GNG2: variants seen among roughly 807,000 people sequenced by gnomAD.
GNG2 encodes guanine nucleotide-binding protein G(I)/G(S)/G(O) subunit gamma-2.
In GNG2, 5 loss-of-function variants were observed where a neutral mutation model predicts 5.5. The observed-to-expected ratio is 0.91, with a 90% confidence interval of 0.48 to 1.92. GNG2 has a LOEUF of 1.92. GNG2 is among the 30% of genes most tolerant of loss of function. The pLI is 0.01. For synonymous variants in GNG2, 28 were observed against 32.0 expected, an observed-to-expected ratio of 0.88 and a Z score of 0.42; for missense variants, 55 against 88.4, an observed-to-expected ratio of 0.62 and a Z score of 1.52.
intron 2 of GNG2, among the ~76,000 whole-genome samples, chr14:51,854,169 C>T (rs1056501905): frequency 8.5e-5 from 13 of 152,128 alleles, no homozygotes; most frequent in African/African-American, 7.2e-5. Context: ...CCACCATGCC[C>T]GGCCTATCCC....
At chr14:51,960,230 T>G (rs921830014) in intron 3 of GNG2, among the ~76,000 whole-genome samples, 6 of 151,640 alleles carry the variant, frequency 4.0e-5, no homozygotes, top group African/African-American at 1.2e-4. Context: ...TTTCTATTGC[T>G]ATCTTCAAGT....
chr14:51,875,195 G>T (rs1367592539), intron 1 of GNG2, among the ~76,000 whole-genome samples: 2 of 152,170 alleles, frequency 1.3e-5, no homozygotes, highest in Non-Finnish European at 1.5e-5. Flanking sequence ...CATGCAGGGA[G>T]CCAGGCTCCT....
intron 2 of GNG2, among the ~76,000 whole-genome samples, chr14:51,848,439 A>G (rs950930183): frequency 2.0e-5 from 3 of 151,942 alleles, no homozygotes; most frequent in Admixed American, 6.6e-5. Flanking sequence ...CTTATACCCT[A>G]TGTGTGCATT....
intron 3 of GNG2, among the ~76,000 whole-genome samples, chr14:51,965,903 T>A (rs1228363090): frequency 2.0e-5 from 3 of 151,816 alleles, no homozygotes; most frequent in Non-Finnish European, 4.4e-5. Context: ...GGCAATGAGA[T>A]ATCGGAGCAC....
At chr14:51,831,713 T>C (rs1881195705) in intron 2 of GNG2, among the ~76,000 whole-genome samples, 1 of 152,192 alleles carries the variant, frequency 6.6e-6, no homozygotes, top group African/African-American at 2.4e-5. Context: ...TTGATATCAC[T>C]AGAGAAGCTC....
At chr14:51,877,689 C>T (rs1320366708) in intron 2 of GNG2, 32 bp downstream of exon 2, 3 of 451,294 alleles carry the variant, frequency 6.6e-6, no homozygotes, top group Non-Finnish European at 1.3e-5. Flanking sequence ...CTTCTAGAAT[C>T]TTGAATTTAA....
chr14:51,880,980 A>AC (rs1884027200), intron 2 of GNG2, among the ~76,000 whole-genome samples: 2 of 151,048 alleles, frequency 1.3e-5, no homozygotes, highest in South Asian at 2.1e-4. Flanking sequence ...AAAAAAAAAA[A>AC]AAAAAAAACC....
At chr14:51,914,798 A>G (rs1280742732) in intron 2 of GNG2, among the ~76,000 whole-genome samples, 2 of 152,156 alleles carry the variant, frequency 1.3e-5, no homozygotes, top group African/African-American at 4.8e-5. Context: ...TGTAATACAG[A>G]CCAAATACTG....
chr14:51,871,802 G>T (rs1883313893), intron 1 of GNG2, among the ~76,000 whole-genome samples: 2 of 152,172 alleles, frequency 1.3e-5, no homozygotes, highest in Admixed American at 1.3e-4. Context: ...ATTATTGTCG[G>T]ATGTCGTTTT....
At chr14:51,915,351 G>GT (rs985466975) in intron 2 of GNG2, among the ~76,000 whole-genome samples, 3 of 152,220 alleles carry the variant, frequency 2.0e-5, no homozygotes, top group Admixed American at 2.0e-4. Flanking sequence ...GCATTTCAGT[G>GT]TAATAATTAT....
At chr14:51,950,600 G>C in intron 2 of GNG2, 50 bp from the exon 3 acceptor site, 1 of 1,156,310 alleles carries the variant, frequency 8.6e-7, no homozygotes, top group Non-Finnish European at 1.3e-6. Context: ...TTGCACATTT[G>C]CTGGCTCATG....
intron 2 of GNG2, among the ~76,000 whole-genome samples, chr14:51,889,055 G>C (rs565437889): frequency 3.9e-5 from 6 of 151,926 alleles, no homozygotes; most frequent in South Asian, 4.2e-4. Context: ...GTTTCAGACT[G>C]GGGGAGAGGG....
chr14:51,956,136 A>G lies in GNG2; in HGVS notation c.87+5371A>G, dbSNP rs116964350. 8.5e-5 allele frequency among the ~76,000 whole-genome samples: 13 copies of G among 152,236 alleles called. No individual in the cohort carries two copies. The East Asian group carries it at 2.5e-3, about 29-fold the overall frequency. On this transcript the variant is annotated intron_variant, in intron 3 of 3. Transcript: ENST00000556766. ...CTCCTTCTAGGCCAATTCCAACCTC[A>G]CCCTATATATCTCTTTATCCAACTC...
At chr14:51,836,831 A>T (rs1881343026) in intron 2 of GNG2, among the ~76,000 whole-genome samples, 1 of 151,090 alleles carries the variant, frequency 6.6e-6, no homozygotes. Flanking sequence ...AATATTTTCA[A>T]TATTATGATT....
At chr14:51,887,257 G>C (rs915333787) in intron 2 of GNG2, among the ~76,000 whole-genome samples, 15 of 152,176 alleles carry the variant, frequency 9.9e-5, no homozygotes, top group African/African-American at 3.4e-4. Context: ...AGCAGCTTTA[G>C]ATAGCCACCT....
At chr14:51,931,045 C>G (rs1273230856) in intron 2 of GNG2, among the ~76,000 whole-genome samples, 2 of 152,078 alleles carry the variant, frequency 1.3e-5, no homozygotes, top group Non-Finnish European at 2.9e-5. Context: ...TTTCAGTGAG[C>G]TGAGATCATG....
intron 1 of GNG2, among the ~76,000 whole-genome samples, chr14:51,865,402 C>A (rs577433014): frequency 4.9e-4 from 74 of 152,164 alleles, no homozygotes; most frequent in African/African-American, 1.6e-3. Flanking sequence ...TGTATCAAAA[C>A]ATCACATTGT....
intron 2 of GNG2, among the ~76,000 whole-genome samples, chr14:51,913,781 C>A (rs559792428): frequency 6.6e-6 from 1 of 152,274 alleles, no homozygotes; most frequent in South Asian, 2.1e-4. Context: ...GAGGTGACAT[C>A]CTTTAAGTTA....
chr14:51,921,443 T>C (rs903785612), intron 2 of GNG2, among the ~76,000 whole-genome samples: 3 of 152,216 alleles, frequency 2.0e-5, no homozygotes, highest in Non-Finnish European at 2.9e-5. Flanking sequence ...AAAATAGTGT[T>C]TGGGAACCAA....
Sources: allele counts gnomAD v4.1 joint callset (sites outside exome capture counted in the v4.1 genomes callset), GRCh38; gene constraint gnomAD v4.1.1; transcripts MANE v1.5; gene names NCBI Gene and HGNC (gene_info 2026-07-23, HGNC 2026-07-21).